Variants in TWSG1 observed in about 807,000 individuals in gnomAD.
TWSG1 encodes twisted gastrulation BMP signaling modulator 1.
TWSG1 carries 15 observed loss-of-function variants against 23.0 expected under a neutral mutation model. The observed-to-expected ratio is 0.65, with a 90% CI of 0.44 to 1.00. The LOEUF (loss-of-function observed/expected upper bound fraction) is 1.00, where lower values mean the gene tolerates loss of function less well. TWSG1 is among the 50% of genes least tolerant of loss of function. The pLI, the probability that TWSG1 is intolerant of heterozygous loss-of-function variation, is 0.00. For synonymous variants in TWSG1, 86 were observed against 92.8 expected (o/e 0.93, Z 0.42); for missense variants, 242 against 278.7 (o/e 0.87, Z 0.94).
At chr18:9,376,832 C>CAAAAA (rs59781624) in intron 3 of TWSG1, among the ~76,000 whole-genome samples, 3 of 100,804 alleles carry the variant, frequency 3.0e-5, no homozygotes, top group African/African-American at 1.2e-4. Flanking sequence ...ACCCTGTCTC[C>CAAAAA]AAAAAAAAAA....
At chr18:9,340,367 C>CAAAAAAAAAAAAA (rs775837207) in intron 2 of TWSG1, among the ~76,000 whole-genome samples, 1 of 67,096 alleles carries the variant, frequency 1.5e-5, no homozygotes, top group South Asian at 6.1e-4. Context: ...GACTCCATTT[C>CAAAAAAAAAAAAA]AAAAAAAAAA....
intron 4 of TWSG1, 58 bp from the exon 5 acceptor site, chr18:9,399,288 T>G: frequency 7.9e-7 from 1 of 1,264,950 alleles, no homozygotes; most frequent in East Asian, 2.4e-5. Flanking sequence ...TAATAAAGCA[T>G]TTTATTTTTT....
intron 2 of TWSG1, among the ~76,000 whole-genome samples, chr18:9,340,988 G>A (rs2040444326): frequency 6.6e-6 from 1 of 152,120 alleles, no homozygotes; most frequent in African/African-American, 2.4e-5. Flanking sequence ...TCAGGTATAC[G>A]TCTCTTCCTG....
chr18:9,397,419 C>A (rs1211972128), intron 4 of TWSG1, among the ~76,000 whole-genome samples: 3 of 152,046 alleles, frequency 2.0e-5, no homozygotes, highest in African/African-American at 7.3e-5. Context: ...TGCTGTTGGT[C>A]AGAAAAGGAA....
chr18:9,345,811 T>A (rs2040474357), intron 2 of TWSG1, among the ~76,000 whole-genome samples: 1 of 152,148 alleles, frequency 6.6e-6, no homozygotes, highest in Non-Finnish European at 1.5e-5. Context: ...CTTAAAAAAA[T>A]ATATAATAGA....
intron 3 of TWSG1, among the ~76,000 whole-genome samples, chr18:9,387,607 A>C (rs2040691063): frequency 9.1e-6 from 1 of 109,998 alleles, no homozygotes; most frequent in African/African-American, 4.2e-5. Flanking sequence ...TCTACTAAAA[A>C]TACAAAAAAA....
chr18:9,340,367 C>CAGAAA (rs2040441152), intron 2 of TWSG1, among the ~76,000 whole-genome samples: 2 of 67,094 alleles, frequency 3.0e-5, no homozygotes, highest in African/African-American at 1.2e-4. Flanking sequence ...GACTCCATTT[C>CAGAAA]AAAAAAAAAA....
chr18:9,393,648 C>A lies in TWSG1; in HGVS notation c.224-2632C>A, dbSNP rs182885363. Among the ~76,000 whole-genome samples, 220 of 152,274 alleles carry A rather than the reference C, an allele frequency of 1.4e-3. 2 individuals carry two copies. Among genetic ancestry groups the A allele is most frequent in the African/African-American group, 5.1e-3 (213 of 41,540 alleles). On this transcript the variant is annotated intron_variant, in intron 3 of 4. Coordinates refer to ENST00000262120, the MANE Select transcript of TWSG1 (RefSeq NM_020648.6). ...TCATAGTTCACTGCAACCTTGAATT[C>A]CAGGGCTCAAGTGATCCTCCCACTT...
rs371850040 is a variant in TWSG1, at chr18:9,386,118, G to A, written c.224-10162G>A. On this transcript the variant is annotated intron_variant, in intron 3 of 4. Transcript: ENST00000262120. Reference sequence around the variant, plus strand: ...CGGGAGGCGGAGGTTGCAGTGAGCCGAGATCGTGCCACTGATGCCTGAGCA... The same window carrying A: ...CGGGAGGCGGAGGTTGCAGTGAGCCAAGATCGTGCCACTGATGCCTGAGCA... 3.5e-4 allele frequency among the ~76,000 whole-genome samples: 52 copies of A among 149,566 alleles called. 2 individuals are homozygous for A. The highest frequency in any genetic ancestry group is 6.7e-4 in the Non-Finnish European group (45 of 67,466).
chr18:9,360,754 T>C (rs951663474), intron 3 of TWSG1, among the ~76,000 whole-genome samples: 53 of 152,200 alleles, frequency 3.5e-4, no homozygotes, highest in African/African-American at 1.2e-3. Flanking sequence ...TTTATCGAAA[T>C]AGGCTATATG....
At chr18:9,339,051 T>A (rs1441671875) in intron 2 of TWSG1, among the ~76,000 whole-genome samples, 10 of 151,956 alleles carry the variant, frequency 6.6e-5, no homozygotes, top group Non-Finnish European at 1.5e-4. Context: ...ATAGTTTTTT[T>A]AAAATTAGCT....
chr18:9,343,258 A>G (rs866164232), intron 2 of TWSG1, among the ~76,000 whole-genome samples: 10 of 134,936 alleles, frequency 7.4e-5, no homozygotes, highest in Non-Finnish European at 1.4e-4. Context: ...ATATATATAT[A>G]TATCTTGTCC....
chr18:9,366,273 T>A (rs2040578253), intron 3 of TWSG1, among the ~76,000 whole-genome samples: 1 of 152,146 alleles, frequency 6.6e-6, no homozygotes, highest in Admixed American at 6.5e-5. Context: ...CTTGGCTCAT[T>A]TTGCCATACC....
chr18:9,351,399 C>T (rs1187410889), intron 2 of TWSG1, among the ~76,000 whole-genome samples: 1 of 151,752 alleles, frequency 6.6e-6, no homozygotes, highest in Non-Finnish European at 1.5e-5. Context: ...GTATATACAA[C>T]TTTTGTGTTT....
chr18:9,378,307 A>T (rs2040640479), intron 3 of TWSG1, among the ~76,000 whole-genome samples: 1 of 152,220 alleles, frequency 6.6e-6, no homozygotes, highest in Non-Finnish European at 1.5e-5. Flanking sequence ...TCCAAATAGG[A>T]AGAGAGGAAG....
chr18:9,337,100 C>A, intron 1 of TWSG1, 93 bp from the exon 2 acceptor site: 1 of 1,125,648 alleles, frequency 8.9e-7, no homozygotes, highest in Non-Finnish European at 1.3e-6. Flanking sequence ...TTGACACAAA[C>A]AATGAGTCTT....
intron 3 of TWSG1, among the ~76,000 whole-genome samples, chr18:9,361,442 G>C (rs1021613746): frequency 3.3e-5 from 5 of 152,194 alleles, no homozygotes; most frequent in African/African-American, 1.2e-4. Context: ...CTCCAAAACG[G>C]ACTGGGAGTA....
At chr18:9,345,772 T>C (rs980164729) in intron 2 of TWSG1, among the ~76,000 whole-genome samples, 1 of 152,172 alleles carries the variant, frequency 6.6e-6, no homozygotes, top group Non-Finnish European at 1.5e-5. Context: ...AATCAACTTG[T>C]CAATTTCTGT....
chr18:9,378,851 C>T (rs1192482667), intron 3 of TWSG1, among the ~76,000 whole-genome samples: 3 of 151,566 alleles, frequency 2.0e-5, no homozygotes, highest in Admixed American at 6.6e-5. Flanking sequence ...CATTGTGGCT[C>T]ACACCTGTAG....
Sources: allele counts gnomAD v4.1 joint callset (sites outside exome capture counted in the v4.1 genomes callset), GRCh38; gene constraint gnomAD v4.1.1; transcripts MANE v1.5; gene names NCBI Gene and HGNC (gene_info 2026-07-23, HGNC 2026-07-21).